HMCN1: variants seen among roughly 807,000 people sequenced by gnomAD.
The protein encoded by HMCN1 is hemicentin-1.
A neutral mutation model predicts 625.9 loss-of-function variants in HMCN1; 321 were observed. The observed-to-expected ratio is 0.51, with a 90% CI of 0.47 to 0.56. The LOEUF (loss-of-function observed/expected upper bound fraction) is 0.56. Among genes scored for constraint, HMCN1 ranks in the 20% least tolerant of loss-of-function variants. HMCN1 has a pLI of 0.00. For missense variants in HMCN1, 6,588 were observed against 6,887.3 expected (o/e 0.96, Z 1.54); for synonymous variants, 2,425 against 2,417.6 (o/e 1.00, Z -0.09).
At chr1:185,845,885 G>T (rs1289885508) in intron 1 of HMCN1, 141 bp from the exon 2 acceptor site, 2 of 657,828 alleles carry the variant, frequency 3.0e-6, no homozygotes, top group Non-Finnish European at 5.5e-6. Context: ...GCTACAAATT[G>T]AGAAAGAGTG....
intron 70 of HMCN1, 111 bp downstream of exon 70, chr1:186,107,076 T>C (rs567631509): frequency 1.3e-6 from 1 of 797,770 alleles, no homozygotes; most frequent in East Asian, 2.5e-5. Context: ...GGAATATATA[T>C]TTTGCAAATC....
intron 6 of HMCN1, among the ~76,000 whole-genome samples, chr1:185,912,508 C>A (rs980583826): frequency 6.6e-6 from 1 of 152,104 alleles, no homozygotes; most frequent in African/African-American, 2.4e-5. Flanking sequence ...AATCGGAGAT[C>A]TAGTTCTGCT....
At chr1:185,890,579 A>C (rs573299958) in intron 4 of HMCN1, among the ~76,000 whole-genome samples, 6 of 140,920 alleles carry the variant, frequency 4.3e-5, no homozygotes, top group South Asian at 2.3e-4. Context: ...CCCAGTAGTC[A>C]TTCAGGAGCA....
chr1:185,934,706 C>T (rs1667725784), intron 11 of HMCN1, among the ~76,000 whole-genome samples: 1 of 152,136 alleles, frequency 6.6e-6, no homozygotes, highest in African/African-American at 2.4e-5. Flanking sequence ...AGACTGATTG[C>T]ATCAGAATTG....
chr1:186,005,572 A>C (rs1653568513), intron 29 of HMCN1, among the ~76,000 whole-genome samples: 1 of 151,896 alleles, frequency 6.6e-6, no homozygotes, highest in Non-Finnish European at 1.5e-5. Flanking sequence ...TAAATTGTTT[A>C]TAAATGTAAA....
At chr1:186,010,104 C>T (rs779584331) in intron 30 of HMCN1, among the ~76,000 whole-genome samples, 7 of 151,988 alleles carry the variant, frequency 4.6e-5, no homozygotes, top group East Asian at 1.9e-4. Context: ...GCCATGGATC[C>T]GAACCCTTCC....
At chr1:185,931,310 C>A (rs895590502) in intron 10 of HMCN1, among the ~76,000 whole-genome samples, 3 of 152,154 alleles carry the variant, frequency 2.0e-5, no homozygotes, top group Admixed American at 2.0e-4. Flanking sequence ...AATGGCTGCT[C>A]TTTGTACTCC....
At chr1:185,953,215 G>A (rs1293427458) in intron 11 of HMCN1, among the ~76,000 whole-genome samples, 1 of 151,420 alleles carries the variant, frequency 6.6e-6, no homozygotes, top group African/African-American at 2.4e-5. Context: ...GAAGGGGTTG[G>A]GATACTTGCC....
intron 1 of HMCN1, among the ~76,000 whole-genome samples, chr1:185,801,508 A>T (rs1456721938): frequency 2.0e-5 from 3 of 152,242 alleles, no homozygotes; most frequent in Admixed American, 1.3e-4. Context: ...AACCAGATGA[A>T]GTCCCTTCTC....
chr1:185,918,068 A>G (rs781160935), intron 6 of HMCN1, among the ~76,000 whole-genome samples: 8 of 152,224 alleles, frequency 5.3e-5, no homozygotes, highest in East Asian at 1.9e-4. Flanking sequence ...GGATATATAC[A>G]TATATGAAAG....
At position 185,734,786 on chromosome 1, in the gene HMCN1, T is replaced by C; in HGVS notation, c.7T>C (p.Ser3Pro). 6.2e-7 allele frequency: 1 copy of C among 1,614,158 alleles called. No homozygotes were observed. The highest frequency in any genetic ancestry group is 1.1e-5 in the South Asian group (1 of 91,076). The change falls in exon 1 of 107, where the codon TCC (serine) becomes CCC (proline). Residue 3 changes from serine to proline, a missense_variant. Transcript: ENST00000271588. MI[S>P]WEVVHTVFLF... ...GAGGGGGAAAAAAAAGAAAATGATTTCCTGGGAAGTTGTCCATACAGTATT... is the reference window on the plus strand; with the variant it reads ...GAGGGGGAAAAAAAAGAAAATGATTCCCTGGGAAGTTGTCCATACAGTATT...
chr1:186,029,611 T>C (rs1054925540), intron 36 of HMCN1, among the ~76,000 whole-genome samples: 9 of 152,056 alleles, frequency 5.9e-5, no homozygotes, highest in African/African-American at 2.2e-4. Context: ...AATTAGATCT[T>C]CTCGCTTTTG....
At chr1:186,023,477 G>A (rs1654858190) in intron 36 of HMCN1, among the ~76,000 whole-genome samples, 1 of 152,000 alleles carries the variant, frequency 6.6e-6, no homozygotes, top group Admixed American at 6.6e-5. Context: ...TGACAGCATT[G>A]TTTCTTAATC....
rs1465111126 is a variant in HMCN1 at position 185,977,935 on chromosome 1, A to G, written c.2520A>G (p.Ser840=). The G allele has an allele frequency of 6.2e-7, 1 of 1,613,396 alleles. No individual in the cohort carries two copies. The change falls in exon 16 of 107, where the codon TCA becomes TCG. Residue 840 remains serine (S), a synonymous_variant. Coordinates refer to ENST00000271588, the MANE Select transcript of HMCN1 (RefSeq NM_031935.3). ...TGCCAATTTTCTCAAGACCTTTTTC[A>G]GTTAGTTCCATCAGCCAACTAAGAA... ...DNMPIFSRPF[S]VSSISQLRTG... is the part of the protein sequence containing the mutation.
intron 53 of HMCN1, among the ~76,000 whole-genome samples, chr1:186,075,450 G>A (rs901441849): frequency 2.6e-5 from 4 of 152,096 alleles, no homozygotes; most frequent in Non-Finnish European, 5.9e-5. Context: ...GGAATTGAAT[G>A]ATGATTATGG....
chr1:186,003,244 A>C (rs61417049), intron 28 of HMCN1, among the ~76,000 whole-genome samples: 6,331 of 152,112 alleles, frequency 0.042, 455 homozygotes, highest in African/African-American at 0.14. Context: ...CTAGCACATT[A>C]TTTTTCATGT....
chr1:186,052,125 G>A (rs1198597699), intron 42 of HMCN1, among the ~76,000 whole-genome samples: 2 of 151,872 alleles, frequency 1.3e-5, no homozygotes, highest in Non-Finnish European at 2.9e-5. Flanking sequence ...AAGAATGACA[G>A]GTTTACAGAT....
intron 49 of HMCN1, among the ~76,000 whole-genome samples, chr1:186,065,812 G>A (rs1658072843): frequency 6.6e-6 from 1 of 152,032 alleles, no homozygotes; most frequent in African/African-American, 2.4e-5. Flanking sequence ...TAGTCTTTGT[G>A]GACTAAGAGT....
chr1:186,126,330 C>T (rs1366965789), intron 82 of HMCN1, among the ~76,000 whole-genome samples: 2 of 152,054 alleles, frequency 1.3e-5, no homozygotes, highest in Non-Finnish European at 2.9e-5. Context: ...GCAACTAGCA[C>T]TGGTTTAGGC....
Sources: allele counts gnomAD v4.1 joint callset (sites outside exome capture counted in the v4.1 genomes callset), GRCh38; gene constraint gnomAD v4.1.1; transcripts MANE v1.5; gene names NCBI Gene and HGNC (gene_info 2026-07-23, HGNC 2026-07-21).